CFAP69: variants seen among roughly 807,000 people sequenced by gnomAD.
CFAP69 encodes the protein cilia and flagella associated protein 69, also known as cilia- and flagella-associated protein 69.
CFAP69 carries 92 observed loss-of-function variants against 123.0 expected under a neutral mutation model. That is an observed-to-expected ratio of 0.75 (90% confidence interval 0.63 to 0.89). CFAP69 has a LOEUF of 0.89. Among genes scored for constraint, CFAP69 ranks in the 40% least tolerant of loss-of-function variants. The probability of loss-of-function intolerance (pLI) is 0.00; values close to 1 mark genes in which losing one functional copy is unlikely to be tolerated. For synonymous variants in CFAP69, 380 were observed against 364.3 expected, an observed-to-expected ratio of 1.04 and a Z score of -0.49; for missense variants, 1,067 against 1,096.9, an observed-to-expected ratio of 0.97 and a Z score of 0.39.
Position 90,307,053 on chromosome 7 carries a change from C to T in CFAP69, c.2418C>T (p.Ser806=), listed in dbSNP as rs769901754. Residue 806 remains serine, a synonymous_variant, in exon 20 of 23, where the codon AGC becomes AGT. Transcript: ENST00000389297. ...VASLQSDIIE[S]QACQDMQNEQ... Reference sequence around the variant, plus strand: ...CTCTGCAAAGTGATATAATTGAAAGCCAAGCATGCCAAGACATGCAAAATG... The same window carrying T: ...CTCTGCAAAGTGATATAATTGAAAGTCAAGCATGCCAAGACATGCAAAATG... 1.2e-6 allele frequency: 2 copies of T among 1,612,640 alleles called. No homozygotes were observed. Among genetic ancestry groups the T allele is most frequent in the South Asian group, 1.1e-5 (1 of 90,766 alleles).
the CFAP69 span, among the ~76,000 whole-genome samples, chr7:90,320,072 A>T: frequency 6.6e-6 from 1 of 152,356 alleles, no homozygotes; most frequent in East Asian, 1.9e-4. Flanking sequence ...TTTACTGATT[A>T]GATCATTAGT....
At chr7:90,263,022 A>AATT (rs1022764744) in intron 4 of CFAP69, among the ~76,000 whole-genome samples, 14 of 152,122 alleles carry the variant, frequency 9.2e-5, no homozygotes, top group African/African-American at 3.4e-4. Context: ...ACAAATTGGA[A>AATT]ATTATTATTA....
chr7:90,314,831 T>C (rs1420237996), downstream of CFAP69, among the ~76,000 whole-genome samples: 2 of 152,084 alleles, frequency 1.3e-5, no homozygotes, highest in Non-Finnish European at 2.9e-5. Context: ...TAACTCATCA[T>C]CTAGCATTAG....
At chr7:90,283,117 G>A in intron 13 of CFAP69, 61 bp downstream of exon 13, 1 of 1,245,994 alleles carries the variant, frequency 8.0e-7, no homozygotes, top group Non-Finnish European at 1.0e-6. Context: ...TAGTAGTTTT[G>A]TTTGAAATGT....
rs186322202 is a variant in CFAP69 at position 90,310,992 on chromosome 7, C to T, written c.*754C>T. ...ATAAAAGCAAATGTTAGTCATGAGC[C>T]AAATGGTAAAAAAGAAAAAAAAATG... On this transcript the variant is annotated 3_prime_UTR_variant, in exon 23 of 23. Transcript: ENST00000389297. 224 of 151,414 alleles carry T rather than the reference C, an allele frequency of 1.5e-3. No homozygotes were observed. Among genetic ancestry groups the T allele is most frequent in the African/African-American group, 4.7e-3 (194 of 41,214 alleles). 9.4% of individuals were successfully genotyped at this position (151,414 alleles called of 1,614,324 possible).
intron 19 of CFAP69, 40 bp downstream of exon 19, chr7:90,304,860 T>C (rs1793333935): frequency 2.5e-6 from 3 of 1,209,142 alleles, no homozygotes; most frequent in Non-Finnish European, 3.6e-6. Flanking sequence ...AAAATCTAGA[T>C]AGCAAAAAAT....
intron 15 of CFAP69, among the ~76,000 whole-genome samples, chr7:90,297,082 C>T (rs557587149): frequency 4.6e-5 from 7 of 152,228 alleles, no homozygotes; most frequent in African/African-American, 1.7e-4. Flanking sequence ...AAAAATATGT[C>T]AAAGGAATAT....
chr7:90,297,802 G>T lies in CFAP69; in HGVS notation c.1829G>T (p.Gly610Val), dbSNP rs1302606417. The change falls in exon 16 of 23, where the codon GGC (glycine) becomes GTC (valine). Residue 610 changes from glycine to valine, a missense_variant. Gly to Val is a moderately radical substitution (Grantham distance 109). Coordinates refer to ENST00000389297, the MANE Select transcript of CFAP69 (RefSeq NM_001039706.3). ...GAGGATTATTTTCTTGAAAAGGAAG[G>T]CATTTTTCTCCTTTTGGATTTGTTA... ...PSEDYFLEKE[G>V]IFLLLDLLAL... The T allele has an allele frequency of 1.3e-6, 2 of 1,573,358 alleles. No homozygotes were observed. The highest frequency in any genetic ancestry group is 1.2e-5 in the South Asian group (1 of 84,726).
intron 15 of CFAP69, among the ~76,000 whole-genome samples, chr7:90,290,759 TC>T: frequency 1.0e-4 from 1 of 9,792 alleles, no homozygotes; most frequent in Middle Eastern, 0.056. Flanking sequence ...TCTTTTCTTT[TC>T]TTTTCTTTTC....
At chr7:90,280,725 G>C (rs1417118538) in intron 12 of CFAP69, among the ~76,000 whole-genome samples, 1 of 152,162 alleles carries the variant, frequency 6.6e-6, no homozygotes, top group Non-Finnish European at 1.5e-5. Flanking sequence ...TTAGTTCTTA[G>C]AAAGGAAATA....
chr7:90,280,564 C>T (rs73211451), intron 12 of CFAP69, among the ~76,000 whole-genome samples: 7 of 152,288 alleles, frequency 4.6e-5, no homozygotes, highest in Non-Finnish European at 7.4e-5. Flanking sequence ...CTACTGAGTA[C>T]TAGATACTGT....
rs1793702245 is a variant in CFAP69, at chr7:90,307,068, CA to C, written c.2434del (p.Met812CysfsTer38). The C allele has an allele frequency of 6.2e-7, 1 of 1,611,284 alleles. No homozygotes were observed. On this transcript the variant is annotated frameshift_variant, in exon 20 of 23. Coordinates refer to ENST00000389297, the MANE Select transcript of CFAP69 (RefSeq NM_001039706.3). LOFTEE classifies it high-confidence loss of function. ...DIIESQACQD[M>X]QNEQKVYAKI... ...TAATTGAAAGCCAAGCATGCCAAGA[CA>C]TGCAAAATGAACAAAAAGTATATGC...
Position 90,304,098 on chromosome 7 carries a change from G to A in CFAP69, c.2180G>A (p.Gly727Asp), listed in dbSNP as rs1793205782. Residue 727 changes from glycine to aspartate, a missense_variant, in exon 18 of 23, where the codon GGC becomes GAC. Transcript: ENST00000389297. ...AGAGCAAAAATTTATGCTATATTGG[G>A]CAAACTAGGTAAGAAGTTCTCTTCA... ...NIRAKIYAIL[G>D]KLDFENLPGL... is the part of the protein sequence containing the mutation. The A allele has an allele frequency of 6.5e-7, 1 of 1,548,070 alleles. No homozygotes were observed. The highest frequency in any genetic ancestry group is 8.7e-7 in the Non-Finnish European group (1 of 1,145,172).
intron 12 of CFAP69, among the ~76,000 whole-genome samples, chr7:90,280,965 C>A (rs1229619943): frequency 2.0e-5 from 3 of 152,172 alleles, no homozygotes; most frequent in South Asian, 4.1e-4. Context: ...TAAAGCAATT[C>A]TTCAGCCTAT....
At chr7:90,283,679 CT>C (rs915920277) in intron 13 of CFAP69, among the ~76,000 whole-genome samples, 13 of 152,008 alleles carry the variant, frequency 8.6e-5, no homozygotes, top group African/African-American at 2.9e-4. Flanking sequence ...GCTGCTTTGC[CT>C]TTTGTTATTT....
intron 7 of CFAP69, 24 bp downstream of exon 7, chr7:90,271,699 C>T (rs1178432439): frequency 1.2e-6 from 2 of 1,605,196 alleles, no homozygotes; most frequent in African/African-American, 1.3e-5. Flanking sequence ...TAAGTTTAAA[C>T]ACTTCATTGT....
intron 12 of CFAP69, among the ~76,000 whole-genome samples, chr7:90,280,682 A>G (rs1310056044): frequency 6.6e-6 from 1 of 152,242 alleles, no homozygotes; most frequent in East Asian, 1.9e-4. Flanking sequence ...GGTCTACCAA[A>G]TTAGTAGAGC....
At chr7:90,303,523 C>T (rs939476235) in intron 17 of CFAP69, 2 of 941,726 alleles carry the variant, frequency 2.1e-6, no homozygotes, top group African/African-American at 3.6e-5. Context: ...ACTTCCCCTT[C>T]TGATGACTTG....
chr7:90,303,320 T>C (rs1346800978), intron 17 of CFAP69: 1 of 152,618 alleles, frequency 6.6e-6, no homozygotes, highest in Non-Finnish European at 1.5e-5. Context: ...TTTCTTTCTC[T>C]TGCTTGATTG....
Sources: gnomAD v4.1 joint callset for allele counts (sites outside exome capture counted in the v4.1 genomes callset) on GRCh38, gnomAD v4.1.1 for gene constraint, MANE v1.5 for transcripts, NCBI Gene and HGNC (gene_info 2026-07-23, HGNC 2026-07-21) for gene names.